Variants in LRRIQ1 observed in about 807,000 individuals in gnomAD.
The protein encoded by LRRIQ1 is leucine-rich repeat- and IQ domain-containing protein 1.
LRRIQ1 carries 210 observed loss-of-function variants against 211.9 expected under a neutral mutation model. That is an observed-to-expected ratio of 0.99 (90% confidence interval 0.89 to 1.11). LRRIQ1 has a LOEUF of 1.11. LRRIQ1 is among the 50% of genes most tolerant of loss of function. The pLI is 0.00. For missense variants in LRRIQ1, 2,136 were observed against 1,939.5 expected (o/e 1.10, Z -1.90); for synonymous variants, 699 against 650.1 (o/e 1.08, Z -1.14).
intron 11 of LRRIQ1, among the ~76,000 whole-genome samples, chr12:85,092,690 G>T (rs901805912): frequency 4.6e-5 from 7 of 152,116 alleles, no homozygotes; most frequent in African/African-American, 1.7e-4. Context: ...AAACTTCTTT[G>T]TCACATGGAG....
intron 26 of LRRIQ1, among the ~76,000 whole-genome samples, chr12:85,240,866 A>G (rs1240447374): frequency 6.6e-6 from 1 of 152,118 alleles, no homozygotes; most frequent in Non-Finnish European, 1.5e-5. Context: ...TGGGGAAAGG[A>G]TGTGACTATA....
At position 85,106,574 on chromosome 12, in the gene LRRIQ1, G is replaced by T. The variant is rs778417753; in HGVS notation, c.3336G>T (p.Leu1112Phe). 10 of 1,612,800 alleles carry T rather than the reference G, an allele frequency of 6.2e-6. 1 individual carries two copies. The highest frequency in any genetic ancestry group is 5.5e-5 in the South Asian group (5 of 91,022). ...ATGCATGCTATTCTCTCCATGAATT[G>T]TCTCTTACTGGAAACCCACTTCTTC... ...WFDACYSLHE[L>F]SLTGNPLLQE... The change falls in exon 15 of 27, where the codon TTG becomes TTT. Residue 1112 changes from leucine to phenylalanine, a missense_variant. Coordinates refer to ENST00000393217, the MANE Select transcript of LRRIQ1 (RefSeq NM_001079910.2).
Position 85,124,235 on chromosome 12 carries a change from C to T in LRRIQ1, c.3723C>T (p.Asp1241=), listed in dbSNP as rs1432185042. ...ATCATTTGGCCCCTACAAACAGTGA[C>T]AGCACTCTGCAAAATGGAGTCTTCT... ...QKNHLAPTNS[D]STLQNGVFYS... Residue 1241 remains aspartate (D), a synonymous_variant, in exon 17 of 27, where the codon GAC becomes GAT. Coordinates refer to ENST00000393217, the MANE Select transcript of LRRIQ1 (RefSeq NM_001079910.2). 2.5e-6 allele frequency: 4 copies of T among 1,613,922 alleles called. No individual in the cohort carries two copies. The African/African-American group carries it at 4.0e-5, about 16-fold the overall frequency.
chr12:85,050,422 G>A (rs1880163937), intron 6 of LRRIQ1, among the ~76,000 whole-genome samples: 1 of 152,048 alleles, frequency 6.6e-6, no homozygotes, highest in South Asian at 2.1e-4. Context: ...TACAAAAACT[G>A]CATACTCAGA....
downstream of LRRIQ1, among the ~76,000 whole-genome samples, chr12:85,249,229 G>A (rs1407873650): frequency 7.3e-5 from 11 of 151,718 alleles, no homozygotes; most frequent in Admixed American, 6.6e-4. Context: ...AGTACCTAAA[G>A]CAAAAGTAGA....
At position 85,077,670 on chromosome 12, in the gene LRRIQ1, T is replaced by C. The variant is rs577368500; in HGVS notation, c.2887+4572T>C. ...AGAATTTGTAAAATTAGGACAGGCATGGTGGCTTACACCTGTAATCACAGC... is the reference window on the plus strand; with the variant it reads ...AGAATTTGTAAAATTAGGACAGGCACGGTGGCTTACACCTGTAATCACAGC... On this transcript the variant is annotated intron_variant, in intron 11 of 26. Coordinates refer to ENST00000393217, the MANE Select transcript of LRRIQ1 (RefSeq NM_001079910.2). Among the ~76,000 whole-genome samples, 3 of 152,198 alleles carry C rather than the reference T, an allele frequency of 2.0e-5. No homozygotes were observed. In the East Asian group the frequency reaches 5.8e-4, roughly 29 times the overall value.
At chr12:85,161,933 G>T (rs1455337130) in intron 24 of LRRIQ1, among the ~76,000 whole-genome samples, 1 of 151,988 alleles carries the variant, frequency 6.6e-6, no homozygotes, top group African/African-American at 2.4e-5. Context: ...CCAGCTACTC[G>T]GAGGCTGAGG....
chr12:85,196,509 C>G (rs1233694250), intron 24 of LRRIQ1, among the ~76,000 whole-genome samples: 2 of 151,926 alleles, frequency 1.3e-5, no homozygotes, highest in African/African-American at 2.4e-5. Context: ...ACAGAGCCCT[C>G]AGAAATAACA....
chr12:85,217,466 GTATATATATATATA>G (rs1176544778), intron 24 of LRRIQ1, among the ~76,000 whole-genome samples: 1 of 67,028 alleles, frequency 1.5e-5, no homozygotes. Flanking sequence ...GGGACCTGAA[GTATATATATATATA>G]TATATATATA....
chr12:85,044,770 A>G lies in LRRIQ1; in HGVS notation c.297A>G (p.Leu99=), dbSNP rs371727141. 1.6e-5 allele frequency: 25 copies of G among 1,562,448 alleles called. No individual in the cohort carries two copies. The highest frequency in any genetic ancestry group is 2.7e-5 in the African/African-American group (2 of 73,952). The part of the protein sequence containing the change: ...SNNHMHLRTG[L]STEYEESSEQ... Reference sequence around the variant, plus strand: ...ATCATATGCATTTAAGAACAGGACTATCAACTGAATATGAAGAAAGTTCAG... The same window carrying G: ...ATCATATGCATTTAAGAACAGGACTGTCAACTGAATATGAAGAAAGTTCAG... The change falls in exon 4 of 27, where the codon CTA becomes CTG. Residue 99 remains leucine, a synonymous_variant. Coordinates refer to ENST00000393217, the MANE Select transcript of LRRIQ1 (RefSeq NM_001079910.2).
At position 85,106,583 on chromosome 12, in the gene LRRIQ1, T is replaced by C. The variant is rs143170298; in HGVS notation, c.3345T>C (p.Thr1115=). Residue 1115 remains threonine, a synonymous_variant, in exon 15 of 27, where the codon ACT becomes ACC. Coordinates refer to ENST00000393217, the MANE Select transcript of LRRIQ1 (RefSeq NM_001079910.2). ...ACYSLHELSL[T]GNPLLQETNW... is the part of the protein sequence containing the mutation. ...ATTCTCTCCATGAATTGTCTCTTAC[T>C]GGAAACCCACTTCTTCAAGAAACAA... The C allele has an allele frequency of 2.3e-5, 37 of 1,612,708 alleles. No homozygotes were observed. The African/African-American group carries it at 4.9e-4, about 22-fold the overall frequency.
chr12:85,130,107 CTTAATA>C (rs1888647761), intron 18 of LRRIQ1, among the ~76,000 whole-genome samples: 1 of 152,156 alleles, frequency 6.6e-6, no homozygotes, highest in South Asian at 2.1e-4. Flanking sequence ...GTTCTCAGCT[CTTAATA>C]TTAAAGACAT....
At chr12:85,043,501 G>C (rs1879149230) in intron 3 of LRRIQ1, among the ~76,000 whole-genome samples, 3 of 152,002 alleles carry the variant, frequency 2.0e-5, no homozygotes, top group African/African-American at 4.8e-5. Flanking sequence ...ACCTTGTAGG[G>C]CTTCTCATGA....
At chr12:85,189,807 T>G (rs1892401599) in intron 24 of LRRIQ1, among the ~76,000 whole-genome samples, 1 of 146,148 alleles carries the variant, frequency 6.8e-6, no homozygotes. Flanking sequence ...TATCTGTAAC[T>G]GTACAGTTAA....
intron 4 of LRRIQ1, among the ~76,000 whole-genome samples, chr12:85,045,715 T>C (rs1262630815): frequency 6.6e-6 from 1 of 151,870 alleles, no homozygotes; most frequent in East Asian, 1.9e-4. Context: ...AAAACATTAG[T>C]AGAAACATTT....
chr12:85,221,196 A>C (rs1429735356), intron 24 of LRRIQ1, among the ~76,000 whole-genome samples: 1 of 152,148 alleles, frequency 6.6e-6, no homozygotes, highest in Non-Finnish European at 1.5e-5. Context: ...TTTCTATTAT[A>C]ATAATTAAAT....
chr12:85,220,074 T>G (rs1007329986), intron 24 of LRRIQ1, among the ~76,000 whole-genome samples: 1 of 152,154 alleles, frequency 6.6e-6, no homozygotes, highest in Non-Finnish European at 1.5e-5. Flanking sequence ...TAAATCAAAA[T>G]TTTAGTATTG....
chr12:85,043,771 G>A (rs2135897780), intron 3 of LRRIQ1, among the ~76,000 whole-genome samples: 1 of 152,020 alleles, frequency 6.6e-6, no homozygotes, highest in African/African-American at 2.4e-5. Flanking sequence ...CATAAAACTG[G>A]GCTGCATCAG....
At chr12:85,119,797 G>C (rs948539059) in intron 15 of LRRIQ1, among the ~76,000 whole-genome samples, 1 of 152,056 alleles carries the variant, frequency 6.6e-6, no homozygotes, top group Non-Finnish European at 1.5e-5. Context: ...TTATATGCTG[G>C]CTTGTCATCT....
Sources: allele counts gnomAD v4.1 joint callset (sites outside exome capture counted in the v4.1 genomes callset), GRCh38; gene constraint gnomAD v4.1.1; transcripts MANE v1.5; gene names NCBI Gene and HGNC (gene_info 2026-07-23, HGNC 2026-07-21).